Variants in PLEKHA2 observed in about 807,000 individuals in gnomAD.
PLEKHA2 encodes pleckstrin homology domain-containing family A member 2.
A neutral mutation model predicts 53.2 loss-of-function variants in PLEKHA2; 28 were observed. That is an observed-to-expected ratio of 0.53 (90% CI 0.39 to 0.72). The LOEUF is 0.72. Among genes scored for constraint, PLEKHA2 ranks in the 30% least tolerant of loss-of-function variants. PLEKHA2 has a pLI of 0.00. For missense variants in PLEKHA2, 426 were observed against 537.9 expected (o/e 0.79, Z 2.06); for synonymous variants, 193 against 196.4 (o/e 0.98, Z 0.14).
At chr8:38,948,878 G>C (rs1276031418) in intron 5 of PLEKHA2, among the ~76,000 whole-genome samples, 2 of 151,928 alleles carry the variant, frequency 1.3e-5, no homozygotes, top group African/African-American at 4.8e-5. Context: ...TTTTTGTTTT[G>C]TTTTTGTTTT....
intron 2 of PLEKHA2, among the ~76,000 whole-genome samples, chr8:38,924,753 C>T (rs1206997413): frequency 6.6e-6 from 1 of 152,214 alleles, no homozygotes; most frequent in East Asian, 1.9e-4. Flanking sequence ...GCTAGATGGA[C>T]ATACGGTGGG....
At chr8:38,936,639 A>G (rs565255225) in intron 3 of PLEKHA2, among the ~76,000 whole-genome samples, 1 of 152,350 alleles carries the variant, frequency 6.6e-6, no homozygotes, top group Non-Finnish European at 1.5e-5. Flanking sequence ...TTTGTACAGA[A>G]GGGGCCGGAG....
At chr8:38,919,496 A>T (rs1834140512) in intron 2 of PLEKHA2, among the ~76,000 whole-genome samples, 1 of 152,190 alleles carries the variant, frequency 6.6e-6, no homozygotes, top group Non-Finnish European at 1.5e-5. Flanking sequence ...TGTTGGGATG[A>T]AGAAGGGTGT....
intron 11 of PLEKHA2, 56 bp from the exon 12 acceptor site, chr8:38,969,365 C>T: frequency 6.4e-7 from 1 of 1,569,862 alleles, no homozygotes; most frequent in Non-Finnish European, 8.6e-7. Context: ...CTGTGATAAA[C>T]ATTGTCTGAA....
At chr8:38,934,336 C>G (rs569407862) in intron 2 of PLEKHA2, among the ~76,000 whole-genome samples, 1 of 152,228 alleles carries the variant, frequency 6.6e-6, no homozygotes, top group Non-Finnish European at 1.5e-5. Context: ...GATCATTTCA[C>G]TGATAATTCT....
chr8:38,922,257 C>A lies in PLEKHA2; in HGVS notation c.141+4187C>A, dbSNP rs1834207832. On this transcript the variant is annotated intron_variant, in intron 2 of 11. Transcript: ENST00000617275. This position sits in a 1 kb window ranked among gnomAD's most constrained non-coding sequence, Gnocchi z 4.0. ...AAGAGAAACCTGAGGACTCTCGGGG[C>A]TGGGAGGTCCTAGAAGGTAGGGCAC... is the stretch of plus-strand genomic sequence containing the variant. Among the ~76,000 whole-genome samples, 1 of 152,130 alleles carries A rather than the reference C, an allele frequency of 6.6e-6. No homozygotes were observed. Among genetic ancestry groups the A allele is most frequent in the Non-Finnish European group, 1.5e-5 (1 of 68,016 alleles).
At chr8:38,924,152 G>A (rs565528348) in intron 2 of PLEKHA2, among the ~76,000 whole-genome samples, 2 of 152,246 alleles carry the variant, frequency 1.3e-5, no homozygotes, top group South Asian at 4.2e-4. Flanking sequence ...GCCTGGCCCG[G>A]TTTTCACTTA....
In PLEKHA2 at chr8:38,957,306, T is replaced by C; in HGVS notation, c.774-17T>C. 1 of 1,603,554 alleles carries C rather than the reference T, an allele frequency of 6.2e-7. No individual in the cohort carries two copies. The highest frequency in any genetic ancestry group is 8.5e-7 in the Non-Finnish European group (1 of 1,170,938). The stretch of plus-strand genomic sequence containing the variant: ...TATGTCAGCACGCCATAACATTCTT[T>C]CTCTTTCTCTGTCTAGTGATCTCTT... On this transcript the variant is annotated splice_polypyrimidine_tract_variant and intron_variant, in intron 9 of 11. Coordinates refer to ENST00000617275, the MANE Select transcript of PLEKHA2 (RefSeq NM_021623.2).
At chr8:38,919,976 C>T (rs892055409) in intron 2 of PLEKHA2, among the ~76,000 whole-genome samples, 15 of 152,012 alleles carry the variant, frequency 9.9e-5, no homozygotes, top group Admixed American at 7.2e-4. Context: ...CTTTTCTTTT[C>T]TCTCTTTTTT....
chr8:38,902,916 T>C (rs2152362679), intron 1 of PLEKHA2, among the ~76,000 whole-genome samples: 1 of 152,346 alleles, frequency 6.6e-6, no homozygotes, highest in African/African-American at 2.4e-5. Context: ...AGCATCATCA[T>C]CATCTCAGAC....
At chr8:38,940,093 TA>T (rs71216698) in intron 3 of PLEKHA2, among the ~76,000 whole-genome samples, 16,228 of 106,520 alleles carry the variant, frequency 0.15, 1,160 homozygotes, top group East Asian at 0.27. Context: ...CCCTATCTCT[TA>T]AAAAAAAAAA....
chr8:38,961,506 C>T (rs527647911), intron 10 of PLEKHA2, among the ~76,000 whole-genome samples: 10 of 152,066 alleles, frequency 6.6e-5, no homozygotes, highest in African/African-American at 1.2e-4. Context: ...CACTGCACTC[C>T]AGCCTGGAAG....
chr8:38,933,657 C>T (rs749214891), intron 2 of PLEKHA2, among the ~76,000 whole-genome samples: 8 of 151,656 alleles, frequency 5.3e-5, no homozygotes, highest in Admixed American at 5.3e-4. Flanking sequence ...TTGCCCAGAG[C>T]GGTTCTCATT....
chr8:38,946,010 T>G (rs1177308711), intron 4 of PLEKHA2, 114 bp from the exon 5 acceptor site: 4 of 790,058 alleles, frequency 5.1e-6, no homozygotes, highest in Non-Finnish European at 8.4e-6. Context: ...CTTGTTCTGC[T>G]TTGTGGAGTT....
In PLEKHA2 at chr8:38,926,750, C is replaced by T. The variant is rs150256405; in HGVS notation, c.141+8680C>T. 8.2e-4 allele frequency among the ~76,000 whole-genome samples: 125 copies of T among 152,166 alleles called. 1 individual carries two copies. Among genetic ancestry groups the T allele is most frequent in the African/African-American group, 2.8e-3 (115 of 41,516 alleles). ...TTCAAGACCAGCCTGGCCAACATGG[C>T]GAAACCCTGTCTCTACTAAAAGTAC... is the stretch of plus-strand genomic sequence containing the variant. On this transcript the variant is annotated intron_variant, in intron 2 of 11. Coordinates refer to ENST00000617275, the MANE Select transcript of PLEKHA2 (RefSeq NM_021623.2).
intron 5 of PLEKHA2, among the ~76,000 whole-genome samples, 198 bp downstream of exon 5, chr8:38,946,419 G>A (rs1305743162): frequency 6.6e-6 from 1 of 152,236 alleles, no homozygotes; most frequent in Admixed American, 6.5e-5. Context: ...TTTGAATCAA[G>A]TTCAAGGGGA....
At chr8:38,960,325 A>G (rs765827543) in intron 10 of PLEKHA2, among the ~76,000 whole-genome samples, 1 of 152,180 alleles carries the variant, frequency 6.6e-6, no homozygotes, top group Admixed American at 6.5e-5. Context: ...AAAAATAGCA[A>G]CTATCAAGCT....
intron 3 of PLEKHA2, among the ~76,000 whole-genome samples, chr8:38,939,397 T>C (rs1834557078): frequency 6.6e-6 from 1 of 152,224 alleles, no homozygotes; most frequent in Non-Finnish European, 1.5e-5. Context: ...TCCTGTTAAT[T>C]CAGCAATGAG....
At chr8:38,966,199 G>C (rs928678274) in intron 10 of PLEKHA2, among the ~76,000 whole-genome samples, 1 of 152,044 alleles carries the variant, frequency 6.6e-6, no homozygotes, top group Non-Finnish European at 1.5e-5. Context: ...TCTAACCAAG[G>C]AGGGTTTGTT....
Sources: allele counts gnomAD v4.1 joint callset (sites outside exome capture counted in the v4.1 genomes callset), GRCh38; gene constraint gnomAD v4.1.1; non-coding constraint Gnocchi (gnomAD v3.1); transcripts MANE v1.5; gene names NCBI Gene and HGNC (gene_info 2026-07-23, HGNC 2026-07-21).